PPP2R3B: variants seen among roughly 807,000 people sequenced by gnomAD.
The protein encoded by PPP2R3B is serine/threonine-protein phosphatase 2A regulatory subunit B'' subunit beta.
Under a neutral mutation model 72.9 loss-of-function variants are expected in PPP2R3B, and 68 were observed. The ratio of observed to expected loss-of-function variants is 0.93; its 90% CI spans 0.77 to 1.14. The LOEUF is 1.14. Ranked by LOEUF, PPP2R3B falls within the 50% of genes most tolerant of loss-of-function variation. The pLI is 0.00. For synonymous variants in PPP2R3B, 466 were observed against 375.8 expected (o/e 1.24, Z -2.78); for missense variants, 1,018 against 842.0 (o/e 1.21, Z -2.59).
chrX:378,108 C>T (rs765016124), intron 1 of PPP2R3B, among the ~76,000 whole-genome samples: 6 of 151,870 alleles, frequency 4.0e-5, no homozygotes, highest in African/African-American at 1.2e-4. Flanking sequence ...GTTTTTGCAC[C>T]ACAGGCCAGC....
intron 2 of PPP2R3B, among the ~76,000 whole-genome samples, chrX:352,778 C>T (rs957110762): frequency 4.0e-5 from 6 of 151,674 alleles, no homozygotes; most frequent in African/African-American, 7.3e-5. Context: ...CAACCACGGC[C>T]GGCAAGTTCA....
At chrX:386,107 A>C (rs1038480434) in intron 1 of PPP2R3B, among the ~76,000 whole-genome samples, 11 of 148,584 alleles carry the variant, frequency 7.4e-5, no homozygotes, top group African/African-American at 2.9e-4. Context: ...TAAAATAATA[A>C]AATAAAATAA....
rs757823889 is a variant in PPP2R3B at position 338,726 on chromosome X, G to T, written c.1471-16C>A. ...TGTCACCGTCCTGGAGGAAGCACAC[G>T]GGTTACGTACACGGCGTGGCGCGGC... On this transcript the variant is annotated splice_polypyrimidine_tract_variant and intron_variant, in intron 11 of 12. Coordinates refer to ENST00000390665, the MANE Select transcript of PPP2R3B (RefSeq NM_013239.5). 1.2e-6 allele frequency: 2 copies of T among 1,611,688 alleles called. No homozygotes were observed. Among genetic ancestry groups the T allele is most frequent in the Non-Finnish European group, 8.5e-7 (1 of 1,179,492 alleles).
intron 7 of PPP2R3B, among the ~76,000 whole-genome samples, chrX:344,552 G>A (rs1273748675): frequency 6.6e-6 from 1 of 152,266 alleles, no homozygotes; most frequent in Non-Finnish European, 1.5e-5. Flanking sequence ...GAGGAACGCG[G>A]AAAGCTGGGG....
intron 2 of PPP2R3B, 102 bp from the exon 3 acceptor site, chrX:347,795 T>C: frequency 1.2e-6 from 1 of 848,386 alleles, no homozygotes; most frequent in Non-Finnish European, 1.8e-6. Context: ...GACCCTCTGC[T>C]GCAGAAAGAC....
At chrX:381,593 CTTTTTTTTTTTTT>C (rs950950107) in intron 1 of PPP2R3B, among the ~76,000 whole-genome samples, 1 of 95,058 alleles carries the variant, frequency 1.1e-5, no homozygotes, top group Non-Finnish European at 2.0e-5. Context: ...ACAAGCTCAT[CTTTTTTTTTTTTT>C]TTTTTTTTTT....
rs200714979 is a variant in PPP2R3B at position 334,370 on chromosome X, C to T, written c.1725G>A (p.Leu575=). 7.3e-6 allele frequency: 11 copies of T among 1,505,530 alleles called. No individual in the cohort carries two copies. Among genetic ancestry groups the T allele is most frequent in the African/African-American group, 2.9e-5 (2 of 68,870 alleles). 93.3% of individuals were successfully genotyped at this position (1,505,530 alleles called of 1,614,324 possible). A position where few individuals can be genotyped will look rare whatever the true frequency, so the allele number is the denominator to read the frequency against. ...GGCGGCGTTCTCGCGGGCGGCGTCA[C>T]AGCGGCTCCAGGTCCTCGTCCCCGC... The part of the protein sequence containing the change: ...YACGDEDLEP[L] Residue 575 remains leucine (L), a synonymous_variant, in exon 13 of 13, where the codon CTG becomes CTA. Transcript: ENST00000390665.
intron 1 of PPP2R3B, among the ~76,000 whole-genome samples, chrX:364,268 G>A (rs1422309334): frequency 6.6e-6 from 1 of 152,168 alleles, no homozygotes; most frequent in Non-Finnish European, 1.5e-5. Flanking sequence ...CCTTCACCTG[G>A]AGCTGCTGGT....
At chrX:341,703 T>C (rs2071081371) in intron 8 of PPP2R3B, 180 bp downstream of exon 8, 1 of 745,618 alleles carries the variant, frequency 1.3e-6, no homozygotes, top group South Asian at 1.6e-5. Flanking sequence ...GTGACAGTCT[T>C]GTGCCACCCC....
chrX:347,376 G>A (rs1362749846), intron 3 of PPP2R3B, 40 bp from the exon 4 acceptor site: 3 of 1,590,082 alleles, frequency 1.9e-6, no homozygotes, highest in African/African-American at 1.3e-5. Context: ...CTCACAGGGG[G>A]GTGGCTTTCG....
chrX:347,662 G>C lies in PPP2R3B; in HGVS notation c.542C>G (p.Pro181Arg). The C allele has an allele frequency of 6.4e-7, 1 of 1,560,772 alleles. No homozygotes were observed. Among genetic ancestry groups the C allele is most frequent in the Non-Finnish European group, 8.7e-7 (1 of 1,154,298 alleles). Reference sequence around the variant, plus strand: ...CTCCCCGCCGGCGCCATAGAAGAGCGGCCCCTTCCAGTAGAGGGGGCAGCC... The same window carrying C: ...CTCCCCGCCGGCGCCATAGAAGAGCCGCCCCTTCCAGTAGAGGGGGCAGCC... ...ACGCPLYWKG[P>R]LFYGAGGERT... is the part of the protein sequence containing the mutation. Residue 181 changes from proline to arginine, a missense_variant, in exon 3 of 13, where the codon CCG (proline) becomes CGG (arginine). Physicochemically the swap from Pro to Arg is moderately radical, Grantham distance 103. Coordinates refer to ENST00000390665, the MANE Select transcript of PPP2R3B (RefSeq NM_013239.5).
chrX:338,425 G>C (rs188074235), intron 12 of PPP2R3B, 179 bp downstream of exon 12: 5 of 668,818 alleles, frequency 7.5e-6, no homozygotes, highest in Non-Finnish European at 1.3e-5. Context: ...GTCATCGGCT[G>C]TCCTTACCTC....
intron 8 of PPP2R3B, 138 bp from the exon 9 acceptor site, chrX:341,534 C>G: frequency 1.1e-6 from 1 of 885,824 alleles, no homozygotes; most frequent in South Asian, 1.4e-5. Flanking sequence ...TGCCCCTCCT[C>G]CTGCCTCTCC....
chrX:373,801 G>C (rs1202898970), intron 1 of PPP2R3B: 1 of 151,244 alleles, frequency 6.6e-6, no homozygotes, highest in Non-Finnish European at 1.5e-5. Flanking sequence ...CTGGGGCCGG[G>C]GCCCGCGCCG....
chrX:354,228 C>CGGGGGCTCACCCAAACACT (rs765033353), intron 2 of PPP2R3B, among the ~76,000 whole-genome samples: 1 of 143,064 alleles, frequency 7.0e-6, no homozygotes. Flanking sequence ...ACCCAGGGAC[C>CGGGGGCTCACCCAAACACT]GGGGGCTCAC....
intron 7 of PPP2R3B, chrX:344,765 C>T (rs2071160514): frequency 1.6e-5 from 4 of 257,960 alleles, no homozygotes; most frequent in East Asian, 1.0e-4. Context: ...CTCAGGTGCG[C>T]GTCCGACGCA....
chrX:347,908 C>T (rs746336380), intron 2 of PPP2R3B: 19 of 544,502 alleles, frequency 3.5e-5, no homozygotes, highest in South Asian at 1.0e-4. Flanking sequence ...GTGCCGGGCA[C>T]GCAGTATCCC....
At chrX:385,792 A>G (rs1191954168) in intron 1 of PPP2R3B, among the ~76,000 whole-genome samples, 2 of 152,018 alleles carry the variant, frequency 1.3e-5, no homozygotes, top group African/African-American at 2.4e-5. Flanking sequence ...AAAATAAATA[A>G]AAAACGGACC....
chrX:347,432 T>G, intron 3 of PPP2R3B, 96 bp from the exon 4 acceptor site: 13 of 1,368,520 alleles, frequency 9.5e-6, no homozygotes, highest in Non-Finnish European at 1.1e-5. Context: ...TTCCACGTGG[T>G]GCGTGGCAGG....
Sources: allele counts gnomAD v4.1 joint callset (sites outside exome capture counted in the v4.1 genomes callset), GRCh38; gene constraint gnomAD v4.1.1; transcripts MANE v1.5; gene names NCBI Gene and HGNC (gene_info 2026-07-23, HGNC 2026-07-21).